Variants in ARFGEF1 observed in about 807,000 individuals in gnomAD.
ARFGEF1 encodes brefeldin A-inhibited guanine nucleotide-exchange protein 1.
ARFGEF1 carries 42 observed loss-of-function variants against 231.0 expected under a neutral mutation model. The observed-to-expected ratio is 0.18, with a 90% CI of 0.14 to 0.24. ARFGEF1 has a LOEUF of 0.24. ARFGEF1 is among the 10% of genes least tolerant of loss of function. The pLI, the probability that ARFGEF1 is intolerant of heterozygous loss-of-function variation, is 1.00. For synonymous variants in ARFGEF1, 710 were observed against 732.3 expected (o/e 0.97, Z 0.49); for missense variants, 1,345 against 2,192.0 (o/e 0.61, Z 7.72).
At chr8:67,271,032 A>T (rs1805067736) in intron 10 of ARFGEF1, among the ~76,000 whole-genome samples, 1 of 144,172 alleles carries the variant, frequency 6.9e-6, no homozygotes. Flanking sequence ...CTCCAAAAAA[A>T]AAAAAAAAAA....
chr8:67,310,526 GGGAAGTGA>G (rs1205566768), intron 1 of ARFGEF1, among the ~76,000 whole-genome samples: 1 of 152,226 alleles, frequency 6.6e-6, no homozygotes, highest in East Asian at 1.9e-4. Context: ...CACCCCATCT[GGGAAGTGA>G]GGAGTGTCTC....
In ARFGEF1 at chr8:67,197,779, A is replaced by G; in HGVS notation, c.*1155T>C. 1.0e-6 allele frequency: 1 copy of G among 985,862 alleles called. No homozygotes were observed. The highest frequency in any genetic ancestry group is 1.2e-6 in the Non-Finnish European group (1 of 829,910). 61.1% of individuals were successfully genotyped at this position (985,862 alleles called of 1,614,324 possible). ...CAGAATTTTTTACATAGAAAACTTTACATCTGTACCATATACATTTTGTCC... is the reference window on the plus strand; with the variant it reads ...CAGAATTTTTTACATAGAAAACTTTGCATCTGTACCATATACATTTTGTCC... On this transcript the variant is annotated 3_prime_UTR_variant, in exon 39 of 39. Transcript: ENST00000262215.
intron 20 of ARFGEF1, among the ~76,000 whole-genome samples, chr8:67,239,928 G>C (rs1289570942): frequency 1.3e-5 from 2 of 150,812 alleles, no homozygotes; most frequent in African/African-American, 4.9e-5. Context: ...GTCTTCAATA[G>C]AGAAAAAAAA....
intron 29 of ARFGEF1, among the ~76,000 whole-genome samples, chr8:67,224,371 C>T (rs1182750091): frequency 6.6e-6 from 1 of 152,040 alleles, no homozygotes; most frequent in African/African-American, 2.4e-5. Flanking sequence ...TACATAATAC[C>T]CATAATAGTT....
intron 6 of ARFGEF1, among the ~76,000 whole-genome samples, chr8:67,290,094 C>G (rs1805943751): frequency 6.6e-6 from 1 of 152,204 alleles, no homozygotes; most frequent in African/African-American, 2.4e-5. Context: ...CAAAAATGCA[C>G]TCTGAACCAA....
chr8:67,222,836 T>G (rs1417157561), intron 29 of ARFGEF1, among the ~76,000 whole-genome samples: 1 of 152,336 alleles, frequency 6.6e-6, no homozygotes, highest in South Asian at 2.1e-4. Flanking sequence ...TCTGCCCACC[T>G]TGGCCTCCCA....
rs966004205 is a variant in ARFGEF1 at position 67,249,333 on chromosome 8, G to A, written c.2850+1966C>T. Among the ~76,000 whole-genome samples, 12 of 150,350 alleles carry A rather than the reference G, an allele frequency of 8.0e-5. 1 individual carries two copies. In the South Asian group the frequency reaches 2.5e-3, roughly 31 times the overall value. On this transcript the variant is annotated intron_variant, in intron 19 of 38. Coordinates refer to ENST00000262215, the MANE Select transcript of ARFGEF1 (RefSeq NM_006421.5). ...TGATTTTGCCCACCTGTAGGCTAAG[G>A]TAAGTATCCTGGGCATGTTCAAGGC...
intron 7 of ARFGEF1, among the ~76,000 whole-genome samples, chr8:67,286,938 C>T (rs1805785717): frequency 6.6e-6 from 1 of 152,296 alleles, no homozygotes; most frequent in South Asian, 2.1e-4. Flanking sequence ...TAAATAAGTG[C>T]CTTTTTTCCC....
chr8:67,301,158 TGTGA>T (rs1474147689), intron 3 of ARFGEF1, 62 bp downstream of exon 3: 2 of 1,393,942 alleles, frequency 1.4e-6, no homozygotes, highest in African/African-American at 1.5e-5. Flanking sequence ...GAATCATCAA[TGTGA>T]GTAATGTTTT....
chr8:67,285,100 G>A (rs774529547), intron 7 of ARFGEF1, among the ~76,000 whole-genome samples: 37 of 151,782 alleles, frequency 2.4e-4, no homozygotes, highest in Non-Finnish European at 4.4e-4. Flanking sequence ...ATTTTTAAAG[G>A]GGGGGGTGGG....
chr8:67,235,595 G>A (rs1004801593), intron 22 of ARFGEF1, among the ~76,000 whole-genome samples: 4 of 152,084 alleles, frequency 2.6e-5, no homozygotes, highest in Non-Finnish European at 4.4e-5. Context: ...TTGGGAGGCC[G>A]AGGTGAGAGG....
At chr8:67,281,816 C>T (rs1805548281) in intron 7 of ARFGEF1, among the ~76,000 whole-genome samples, 1 of 151,734 alleles carries the variant, frequency 6.6e-6, no homozygotes, top group Non-Finnish European at 1.5e-5. Context: ...AGGACTCAAC[C>T]AAAATATTAT....
chr8:67,240,176 T>A lies in ARFGEF1; in HGVS notation c.2965A>T (p.Ile989Phe). 6.2e-7 allele frequency: 1 copy of A among 1,608,858 alleles called. No homozygotes were observed. The highest frequency in any genetic ancestry group is 2.2e-5 in the East Asian group (1 of 44,604). The change falls in exon 20 of 39, where the codon ATT becomes TTT. Residue 989 changes from isoleucine (I) to phenylalanine (F), a missense_variant. Around this residue, in one of 14 missense-constraint regions of ARFGEF1, gnomAD observed 146 missense variants for 321.4 expected, o/e 0.45. Coordinates refer to ENST00000262215, the MANE Select transcript of ARFGEF1 (RefSeq NM_006421.5). ...GIRCAIRIAC[I>F]FSIQLERDAY... ...TTCTCTGTTACCTGAATGCTGAAAA[T>A]GCATGCAATTCTGATTGCACATCTT...
downstream of ARFGEF1, chr8:67,193,444 GTTCTGTT>G (rs1836986581): frequency 1.2e-6 from 2 of 1,605,444 alleles, no homozygotes; most frequent in Non-Finnish European, 1.7e-6. Flanking sequence ...ACTTTCTGAA[GTTCTGTT>G]TTCTAACTAC....
chr8:67,240,315 T>C, intron 19 of ARFGEF1, 25 bp from the exon 20 acceptor site: 1 of 1,566,532 alleles, frequency 6.4e-7, no homozygotes, highest in South Asian at 1.2e-5. Context: ...AATTGTATTT[T>C]AATTAAAGAT....
chr8:67,275,859 A>G (rs1587192700), intron 9 of ARFGEF1, 117 bp downstream of exon 9: 5 of 1,271,124 alleles, frequency 3.9e-6, no homozygotes, highest in Non-Finnish European at 5.3e-6. Context: ...CCTCCACCCA[A>G]TTTTTTTTTA....
chr8:67,273,347 C>T (rs1805175185), intron 9 of ARFGEF1, among the ~76,000 whole-genome samples: 1 of 132,162 alleles, frequency 7.6e-6, no homozygotes, highest in Admixed American at 9.3e-5. Context: ...AGACCAAGGA[C>T]ATTGAACCCA....
At chr8:67,193,127 TTC>T (rs1158396176), downstream of ARFGEF1, among the ~76,000 whole-genome samples, 21 of 152,202 alleles carry the variant, frequency 1.4e-4, no homozygotes, top group African/African-American at 5.1e-4. Flanking sequence ...GCTGGTTTTT[TTC>T]TTTTTTTTTG....
At chr8:67,196,995 T>C (rs1050999194), downstream of ARFGEF1, among the ~76,000 whole-genome samples, 4 of 152,238 alleles carry the variant, frequency 2.6e-5, no homozygotes, top group Admixed American at 1.3e-4. Context: ...TTAGATGATA[T>C]TGACACGTTC....
Sources: allele counts gnomAD v4.1 joint callset (sites outside exome capture counted in the v4.1 genomes callset), GRCh38; gene constraint gnomAD v4.1.1; regional missense constraint gnomAD v4.1.1; transcripts MANE v1.5; gene names NCBI Gene and HGNC (gene_info 2026-07-23, HGNC 2026-07-21).